DDI2: variants seen among roughly 807,000 people sequenced by gnomAD.
DDI2 encodes the protein protein DDI1 homolog 2.
DDI2 carries 5 observed loss-of-function variants against 48.1 expected under a neutral mutation model. The ratio of observed to expected loss-of-function variants is 0.10; its 90% CI spans 0.05 to 0.22. The LOEUF is 0.22. Among genes scored for constraint, DDI2 ranks in the 10% least tolerant of loss-of-function variants. DDI2 has a pLI of 1.00. For synonymous variants in DDI2, 205 were observed against 183.6 expected (o/e 1.12, Z -0.94); for missense variants, 285 against 506.2 (o/e 0.56, Z 4.19).
chr1:15,622,289 G>T (rs1478998986), intron 1 of DDI2, among the ~76,000 whole-genome samples: 1 of 150,018 alleles, frequency 6.7e-6, no homozygotes, highest in African/African-American at 2.5e-5. Context: ...CTCCCAGAGT[G>T]TTGGGATTAC....
At chr1:15,653,560 A>AT (rs1553154873) in intron 8 of DDI2, among the ~76,000 whole-genome samples, 1 of 151,458 alleles carries the variant, frequency 6.6e-6, no homozygotes, top group Non-Finnish European at 1.5e-5. Flanking sequence ...TAAAAAAAAA[A>AT]TTTTTTTTTG....
chr1:15,634,072 T>C (rs898608838), intron 4 of DDI2: 2 of 218,010 alleles, frequency 9.2e-6, no homozygotes, highest in Admixed American at 1.1e-4. Context: ...GTGGATAAAC[T>C]GAATGCTGGA....
In DDI2 at chr1:15,660,604, G is replaced by A. The variant is rs763737300; in HGVS notation, c.*814G>A. On this transcript the variant is annotated 3_prime_UTR_variant, in exon 10 of 10. Coordinates refer to ENST00000480945, the MANE Select transcript of DDI2 (RefSeq NM_032341.5). ...AGAATGCAGTGGCTGCTCAAATTCA[G>A]AAACATTTATGGAAATCGATACAGC... is the stretch of plus-strand genomic sequence containing the variant. 3 of 1,613,996 alleles carry A rather than the reference G, an allele frequency of 1.9e-6. No homozygotes were observed. The South Asian group carries it at 3.3e-5, about 18-fold the overall frequency.
At chr1:15,656,789 T>C in intron 9 of DDI2, 110 bp downstream of exon 9, 1 of 1,499,700 alleles carries the variant, frequency 6.7e-7, no homozygotes. Flanking sequence ...CATTTCACCT[T>C]GTTCAATCTG....
Position 15,656,696 on chromosome 1 carries a change from T to G in DDI2, c.*46+17T>G, listed in dbSNP as rs1005124910. The G allele has an allele frequency of 6.2e-7, 1 of 1,613,728 alleles. No homozygotes were observed. Among genetic ancestry groups the G allele is most frequent in the East Asian group, 2.2e-5 (1 of 44,886 alleles). On this transcript the variant is annotated intron_variant, in intron 9 of 9. Transcript: ENST00000480945. ...CCAGACCAGGTATTTATAGACACCA[T>G]GTTAAGCCTTCCATCCAGTTGTCAT...
At chr1:15,635,092 G>T (rs931867255) in intron 4 of DDI2, among the ~76,000 whole-genome samples, 7 of 152,026 alleles carry the variant, frequency 4.6e-5, no homozygotes, top group African/African-American at 1.7e-4. Context: ...AGCCAGGTGT[G>T]GTGGCATGCA....
At chr1:15,619,470 C>CT (rs556693940) in intron 1 of DDI2, among the ~76,000 whole-genome samples, 244 of 125,616 alleles carry the variant, frequency 1.9e-3, no homozygotes, top group Admixed American at 4.8e-3. Context: ...CTTTTCTTTT[C>CT]TTTTTTTTTT....
intron 9 of DDI2, among the ~76,000 whole-genome samples, chr1:15,658,135 G>A (rs536710745): frequency 6.6e-6 from 1 of 151,906 alleles, no homozygotes; most frequent in Non-Finnish European, 1.5e-5. Context: ...CTGACCTTTT[G>A]ATTTTTATTT....
rs770562519 is a variant in DDI2 at position 15,661,272 on chromosome 1, TAAG to T, written c.*1485_*1487del. On this transcript the variant is annotated 3_prime_UTR_variant, in exon 10 of 10. Transcript: ENST00000480945. ...TCCCCAAATCTAGGGAATCCATAAA[TAAG>T]AACCGTTCTGTCACTGTAACCTCAG... 7 of 1,614,002 alleles carry T rather than the reference TAAG, an allele frequency of 4.3e-6. No individual in the cohort carries two copies. The highest frequency in any genetic ancestry group is 1.3e-5 in the African/African-American group (1 of 74,920).
At chr1:15,648,005 T>C (rs979665545) in intron 6 of DDI2, among the ~76,000 whole-genome samples, 1 of 152,210 alleles carries the variant, frequency 6.6e-6, no homozygotes, top group African/African-American at 2.4e-5. Context: ...TGGTTTCTTA[T>C]TGTAAGTTAC....
At chr1:15,630,846 T>A (rs1639831960) in intron 3 of DDI2, among the ~76,000 whole-genome samples, 2 of 152,174 alleles carry the variant, frequency 1.3e-5, no homozygotes, top group Non-Finnish European at 2.9e-5. Flanking sequence ...TTTGTTTGTT[T>A]CTTTGTTTTT....
intron 3 of DDI2, among the ~76,000 whole-genome samples, chr1:15,631,949 G>A (rs1639852209): frequency 6.6e-6 from 1 of 151,956 alleles, no homozygotes; most frequent in Non-Finnish European, 1.5e-5. Context: ...GGGACTACAG[G>A]CGTGCACCAC....
chr1:15,657,289 T>C (rs1391796451), intron 9 of DDI2, among the ~76,000 whole-genome samples: 1 of 152,176 alleles, frequency 6.6e-6, no homozygotes, highest in African/African-American at 2.4e-5. Flanking sequence ...CTCGAATACA[T>C]TGGCTGACTT....
intron 9 of DDI2, chr1:15,656,963 T>C (rs1640282944): frequency 3.5e-6 from 1 of 281,908 alleles, no homozygotes; most frequent in Non-Finnish European, 6.7e-6. Flanking sequence ...ACTATAAATA[T>C]CACATCAAGA....
chr1:15,652,244 G>A (rs1640197529), intron 8 of DDI2, among the ~76,000 whole-genome samples: 1 of 151,360 alleles, frequency 6.6e-6, no homozygotes, highest in Non-Finnish European at 1.5e-5. Context: ...TTTTAGCAGA[G>A]ATAGGGTCTT....
chr1:15,642,748 A>T (rs969530718), intron 5 of DDI2, among the ~76,000 whole-genome samples: 2 of 152,120 alleles, frequency 1.3e-5, no homozygotes, highest in Non-Finnish European at 2.9e-5. Context: ...ACGTGGTAAA[A>T]CCCCATCTCT....
chr1:15,638,282 T>C (rs1639956588), intron 4 of DDI2, 25 bp from the exon 5 acceptor site: 1 of 1,612,568 alleles, frequency 6.2e-7, no homozygotes, highest in Non-Finnish European at 8.5e-7. Flanking sequence ...ATGCTTTCAG[T>C]GTCCCTGGTC....
intron 5 of DDI2, among the ~76,000 whole-genome samples, chr1:15,639,824 A>G (rs1042960456): frequency 6.6e-6 from 1 of 152,038 alleles, no homozygotes; most frequent in Non-Finnish European, 1.5e-5. Context: ...CCTAGGCAAC[A>G]TGGGGAAACC....
intron 1 of DDI2, among the ~76,000 whole-genome samples, chr1:15,621,655 G>C (rs1011001278): frequency 1.3e-5 from 2 of 152,090 alleles, no homozygotes; most frequent in Non-Finnish European, 2.9e-5. Context: ...CAGAGTGCTG[G>C]GATTACAGGC....
Sources: gnomAD v4.1 joint callset for allele counts (sites outside exome capture counted in the v4.1 genomes callset) on GRCh38, gnomAD v4.1.1 for gene constraint, MANE v1.5 for transcripts, NCBI Gene and HGNC (gene_info 2026-07-23, HGNC 2026-07-21) for gene names.